The following CLASP1 variants were observed in gnomAD, a reference collection of about 807,000 sequenced individuals.
CLASP1 encodes cytoplasmic linker associated protein 1.
A neutral mutation model predicts 192.3 loss-of-function variants in CLASP1; 38 were observed. The ratio of observed to expected loss-of-function variants is 0.20; its 90% CI spans 0.15 to 0.26. CLASP1 has a LOEUF of 0.26. Ranked by LOEUF, CLASP1 falls within the 10% of genes least tolerant of loss-of-function variation. CLASP1 has a pLI of 1.00. For synonymous variants in CLASP1, 691 were observed against 712.8 expected (o/e 0.97, Z 0.49); for missense variants, 1,433 against 1,932.5 (o/e 0.74, Z 4.85).
chr2:121,343,753 T>TCC (rs2063084066), intron 39 of CLASP1, among the ~76,000 whole-genome samples: 1 of 152,170 alleles, frequency 6.6e-6, no homozygotes, highest in Non-Finnish European at 1.5e-5. Context: ...TAGTGATGGT[T>TCC]ATACAACAAT....
At chr2:121,378,579 G>A (rs1464854980) in intron 33 of CLASP1, among the ~76,000 whole-genome samples, 1 of 152,030 alleles carries the variant, frequency 6.6e-6, no homozygotes, top group African/African-American at 2.4e-5. Context: ...GAAAAGCATG[G>A]GATGGATATA....
At chr2:121,558,897 T>C (rs151092891) in intron 2 of CLASP1, among the ~76,000 whole-genome samples, 5 of 152,206 alleles carry the variant, frequency 3.3e-5, no homozygotes, top group African/African-American at 2.4e-5. Flanking sequence ...GAATGTTTCA[T>C]AAGAATGACC....
chr2:121,390,213 A>G (rs1188039496), intron 30 of CLASP1, among the ~76,000 whole-genome samples: 4 of 152,232 alleles, frequency 2.6e-5, no homozygotes, highest in African/African-American at 9.6e-5. Flanking sequence ...TGATCTCATT[A>G]AACAAGTAAT....
chr2:121,607,275 G>T (rs2064559621), intron 1 of CLASP1, among the ~76,000 whole-genome samples: 1 of 151,412 alleles, frequency 6.6e-6, no homozygotes, highest in Non-Finnish European at 1.5e-5. Flanking sequence ...GGAGACGGAG[G>T]TTGCGGTGAG....
At chr2:121,367,928 G>T in intron 34 of CLASP1, 97 bp from the exon 36 acceptor site, 1 of 1,493,278 alleles carries the variant, frequency 6.7e-7, no homozygotes. Flanking sequence ...ATTTTCACTT[G>T]AAATATGTAT....
At chr2:121,493,601 G>GT (rs2093410736) in intron 8 of CLASP1, among the ~76,000 whole-genome samples, 3 of 151,962 alleles carry the variant, frequency 2.0e-5, no homozygotes, top group Admixed American at 1.3e-4. Flanking sequence ...GATTTTTTCA[G>GT]TAACACCCCA....
intron 2 of CLASP1, among the ~76,000 whole-genome samples, chr2:121,559,616 A>C (rs2058895389): frequency 6.6e-6 from 1 of 152,162 alleles, no homozygotes; most frequent in Non-Finnish European, 1.5e-5. Flanking sequence ...TAGTTTATGA[A>C]ATATCTGGAA....
intron 8 of CLASP1, among the ~76,000 whole-genome samples, chr2:121,500,140 G>A (rs2093684818): frequency 6.6e-6 from 1 of 152,078 alleles, no homozygotes; most frequent in Non-Finnish European, 1.5e-5. Context: ...TGTAATCTAA[G>A]CTGTATAAGG....
At chr2:121,588,929 T>C (rs1215855920) in intron 2 of CLASP1, among the ~76,000 whole-genome samples, 1 of 152,170 alleles carries the variant, frequency 6.6e-6, no homozygotes, top group Non-Finnish European at 1.5e-5. Context: ...CTACAATGCA[T>C]AGGCTGAGGG....
intron 6 of CLASP1, among the ~76,000 whole-genome samples, chr2:121,521,603 C>T (rs1023152662): frequency 6.6e-6 from 1 of 152,190 alleles, no homozygotes; most frequent in African/African-American, 2.4e-5. Flanking sequence ...CATCCTAGCC[C>T]ACACACACTG....
chr2:121,581,495 C>T (rs1037780237), intron 2 of CLASP1, among the ~76,000 whole-genome samples: 1 of 151,748 alleles, frequency 6.6e-6, no homozygotes, highest in Non-Finnish European at 1.5e-5. Context: ...AGGATGGTCT[C>T]GATCTCCTGA....
At chr2:121,604,528 C>G (rs2064180256) in intron 2 of CLASP1, among the ~76,000 whole-genome samples, 1 of 152,064 alleles carries the variant, frequency 6.6e-6, no homozygotes, top group Admixed American at 6.6e-5. Context: ...ATTAGCTGGG[C>G]ATGGTGGCGC....
chr2:121,367,009 A>C (rs1412104696), intron 35 of CLASP1, among the ~76,000 whole-genome samples: 1 of 152,214 alleles, frequency 6.6e-6, no homozygotes, highest in South Asian at 2.1e-4. Context: ...CCCCATACTT[A>C]GCTTGGCACC....
At chr2:121,420,050 T>C (rs1294009128) in intron 22 of CLASP1, among the ~76,000 whole-genome samples, 1 of 152,120 alleles carries the variant, frequency 6.6e-6, no homozygotes, top group Non-Finnish European at 1.5e-5. Context: ...CAACTTTCTA[T>C]TGTGCTCAGC....
chr2:121,625,350 G>A (rs1241829773), intron 1 of CLASP1, among the ~76,000 whole-genome samples: 3 of 151,314 alleles, frequency 2.0e-5, no homozygotes, highest in Non-Finnish European at 4.4e-5. Flanking sequence ...TGAAGAGTTG[G>A]TTTCTAACGG....
chr2:121,511,269 T>G lies in CLASP1; in HGVS notation c.644+4396A>C, dbSNP rs140942743. Among the ~76,000 whole-genome samples the G allele has an allele frequency of 5.6e-4, 85 of 152,146 alleles. No homozygotes were observed. In the East Asian group the frequency reaches 0.016, roughly 28 times the overall value. ...GACTTTATTTGATAGATGAGGAGAT[T>G]GGAAGTATATATGAGAGAGGTTAAG... On this transcript the variant is annotated intron_variant, in intron 7 of 39. Transcript: ENST00000263710.
At position 121,347,122 on chromosome 2, in the gene CLASP1, CT is replaced by C; in HGVS notation, c.4445del (p.Lys1482ArgfsTer7). 6.3e-7 allele frequency: 1 copy of C among 1,581,522 alleles called. No homozygotes were observed. The highest frequency in any genetic ancestry group is 1.3e-5 in the African/African-American group (1 of 74,516). On this transcript the variant is annotated frameshift_variant, in exon 39 of 40. Transcript: ENST00000263710. LOFTEE classifies it high-confidence loss of function. ...TTGCCACTAAGCAAAACACGCTGGCCTTACGCACACTACTTTCGGTGTTGTC... is the reference window on the plus strand; with the variant it reads ...TTGCCACTAAGCAAAACACGCTGGCCTACGCACACTACTTTCGGTGTTGTC...
intron 2 of CLASP1, among the ~76,000 whole-genome samples, chr2:121,578,044 C>T (rs1020440825): frequency 6.6e-5 from 10 of 152,196 alleles, no homozygotes; most frequent in Middle Eastern, 3.4e-3. Flanking sequence ...GCGATCCTCC[C>T]ACCCCAACCT....
chr2:121,394,441 T>C (rs2074934296), intron 30 of CLASP1, among the ~76,000 whole-genome samples: 1 of 152,216 alleles, frequency 6.6e-6, no homozygotes, highest in Non-Finnish European at 1.5e-5. Context: ...CTGCCTTCTG[T>C]CCTTTGTGGT....
Sources: gnomAD v4.1 joint callset for allele counts (sites outside exome capture counted in the v4.1 genomes callset) on GRCh38, gnomAD v4.1.1 for gene constraint, MANE v1.5 for transcripts, NCBI Gene and HGNC (gene_info 2026-07-23, HGNC 2026-07-21) for gene names.